SCFD1: variants seen among roughly 807,000 people sequenced by gnomAD.
SCFD1 encodes sec1 family domain-containing protein 1.
A neutral mutation model predicts 103.2 loss-of-function variants in SCFD1; 37 were observed. That is an observed-to-expected ratio of 0.36 (90% CI 0.28 to 0.47). The LOEUF (loss-of-function observed/expected upper bound fraction) is 0.47. SCFD1 is among the 20% of genes least tolerant of loss of function. SCFD1 has a pLI of 1.00. For missense variants in SCFD1, 639 were observed against 761.2 expected, an observed-to-expected ratio of 0.84 and a Z score of 1.89; for synonymous variants, 264 against 245.0, an observed-to-expected ratio of 1.08 and a Z score of -0.73.
intron 7 of SCFD1, among the ~76,000 whole-genome samples, chr14:30,646,623 A>G (rs1885854772): frequency 1.3e-5 from 2 of 152,118 alleles, no homozygotes; most frequent in Admixed American, 6.5e-5. Context: ...TGAGAATGAT[A>G]CTGGCCTCAT....
chr14:30,666,371 T>C (rs1286330415), intron 10 of SCFD1, among the ~76,000 whole-genome samples: 2 of 152,174 alleles, frequency 1.3e-5, no homozygotes, highest in Non-Finnish European at 1.5e-5. Context: ...AGACACAACA[T>C]ACCAGAATCT....
chr14:30,637,157 A>G (rs557541819), intron 4 of SCFD1, among the ~76,000 whole-genome samples: 4 of 152,158 alleles, frequency 2.6e-5, no homozygotes, highest in Admixed American at 2.6e-4. Flanking sequence ...ATGTATTTAT[A>G]CATACACTTT....
chr14:30,683,327 G>A (rs916174920), intron 14 of SCFD1: 4 of 645,260 alleles, frequency 6.2e-6, no homozygotes, highest in African/African-American at 5.5e-5. Context: ...TGGGTGCATT[G>A]TAAGGGTAGT....
intron 19 of SCFD1, among the ~76,000 whole-genome samples, chr14:30,714,439 A>G (rs1430282616): frequency 6.6e-6 from 1 of 152,046 alleles, no homozygotes; most frequent in Non-Finnish European, 1.5e-5. Context: ...GTATATTCAG[A>G]CAGCTTGAAC....
At chr14:30,721,410 A>G (rs1566661869) in intron 21 of SCFD1, among the ~76,000 whole-genome samples, 1 of 152,046 alleles carries the variant, frequency 6.6e-6, no homozygotes, top group Non-Finnish European at 1.5e-5. Context: ...CTACAGCAAA[A>G]TTCAGATCCC....
chr14:30,663,697 CCACT>C (rs1887652276), intron 10 of SCFD1, among the ~76,000 whole-genome samples: 2 of 152,156 alleles, frequency 1.3e-5, no homozygotes, highest in African/African-American at 4.8e-5. Context: ...GAATCTAATT[CCACT>C]CACTCTGTTC....
intron 16 of SCFD1, among the ~76,000 whole-genome samples, chr14:30,702,022 G>GA (rs1239114070): frequency 3.9e-5 from 6 of 152,086 alleles, no homozygotes; most frequent in Admixed American, 2.0e-4. Flanking sequence ...AGCAGTAAAG[G>GA]AAAAAATAGC....
chr14:30,709,934 T>C (rs930869719), intron 19 of SCFD1, among the ~76,000 whole-genome samples: 3 of 152,202 alleles, frequency 2.0e-5, no homozygotes, highest in Non-Finnish European at 4.4e-5. Flanking sequence ...TAAATCCCAA[T>C]AGTAAGATTT....
chr14:30,669,467 A>G (rs1408175186), intron 10 of SCFD1, among the ~76,000 whole-genome samples: 1 of 152,118 alleles, frequency 6.6e-6, no homozygotes, highest in African/African-American at 2.4e-5. Flanking sequence ...AGTTGGGGGA[A>G]AGAAAAAAGA....
At chr14:30,626,929 T>A (rs1269925608) in intron 1 of SCFD1, among the ~76,000 whole-genome samples, 1 of 152,224 alleles carries the variant, frequency 6.6e-6, no homozygotes, top group Non-Finnish European at 1.5e-5. Context: ...TGTGAGTGAA[T>A]GAATATGCTG....
intron 10 of SCFD1, among the ~76,000 whole-genome samples, chr14:30,662,728 C>T (rs937602196): frequency 6.6e-6 from 1 of 152,176 alleles, no homozygotes; most frequent in South Asian, 2.1e-4. Context: ...TGCAAGTCTG[C>T]ATAAATAGGT....
At chr14:30,717,590 A>G (rs1289201910) in intron 20 of SCFD1, among the ~76,000 whole-genome samples, 2 of 152,216 alleles carry the variant, frequency 1.3e-5, no homozygotes, top group Non-Finnish European at 2.9e-5. Flanking sequence ...AGTACTTATC[A>G]TGTTCCAGAA....
At chr14:30,652,932 C>G (rs1182382142) in intron 9 of SCFD1, among the ~76,000 whole-genome samples, 1 of 151,920 alleles carries the variant, frequency 6.6e-6, no homozygotes, top group Non-Finnish European at 1.5e-5. Flanking sequence ...TTACTTGAGC[C>G]TGGGAAGTCA....
At position 30,630,528 on chromosome 14, in the gene SCFD1, G is replaced by C. The variant is rs1398272516; in HGVS notation, c.184G>C (p.Val62Leu). The C allele has an allele frequency of 6.2e-7, 1 of 1,603,944 alleles. No homozygotes were observed. The part of the protein sequence containing the change: ...GQDIISPLLS[V>L]KELRDMGITL... The stretch of plus-strand genomic sequence containing the variant: ...AGATATAATCTCTCCTCTGCTATCT[G>C]TGAAGGAGCTAAGAGACATGGGAAT... Residue 62 changes from valine (V) to leucine (L), a missense_variant, in exon 3 of 25, where the codon GTG (valine) becomes CTG (leucine). Physicochemically the swap from Val to Leu is conservative, Grantham distance 32 (BLOSUM62 1). Coordinates refer to ENST00000458591, the MANE Select transcript of SCFD1 (RefSeq NM_016106.4).
intron 6 of SCFD1, among the ~76,000 whole-genome samples, chr14:30,642,126 C>T (rs531449172): frequency 5.9e-5 from 9 of 152,264 alleles, no homozygotes; most frequent in South Asian, 4.2e-4. Context: ...CTCTCTCTGT[C>T]GCCCAGGCTG....
At position 30,694,788 on chromosome 14, in the gene SCFD1, G is replaced by A; in HGVS notation, c.1258G>A (p.Val420Ile). ...TTTGAAACAGGCAAGAAAATTGGATGTATATTTTGAATATGAAGAAAAAAT... is the reference window on the plus strand; with the variant it reads ...TTTGAAACAGGCAAGAAAATTGGATATATATTTTGAATATGAAGAAAAAAT... Reference protein sequence around the residue: ...LEHIKARKLDVYFEYEEKIMS... With the variant: ...LEHIKARKLDIYFEYEEKIMS... The change falls in exon 15 of 25, where the codon GTA becomes ATA. Residue 420 changes from valine to isoleucine, a missense_variant. Physicochemically the swap from Val to Ile is conservative, Grantham distance 29. Coordinates refer to ENST00000458591, the MANE Select transcript of SCFD1 (RefSeq NM_016106.4). 1.3e-6 allele frequency: 2 copies of A among 1,579,776 alleles called. No homozygotes were observed. The highest frequency in any genetic ancestry group is 1.7e-6 in the Non-Finnish European group (2 of 1,169,720).
At chr14:30,649,416 A>G (rs951610745) in intron 7 of SCFD1, 112 bp from the exon 8 acceptor site, 2 of 695,496 alleles carry the variant, frequency 2.9e-6, no homozygotes, top group Non-Finnish European at 2.4e-6. Flanking sequence ...ATCGTGTGTA[A>G]CGTGAAATTG....
chr14:30,634,116 G>T, intron 4 of SCFD1, 79 bp downstream of exon 4: 2 of 768,742 alleles, frequency 2.6e-6, no homozygotes, highest in African/African-American at 1.8e-5. Context: ...AGATGTCCAG[G>T]GTGAAAAATC....
chr14:30,664,578 G>A (rs983954988), intron 10 of SCFD1, among the ~76,000 whole-genome samples: 1 of 151,942 alleles, frequency 6.6e-6, no homozygotes, highest in Non-Finnish European at 1.5e-5. Flanking sequence ...TCAGAAAGTC[G>A]ATAATAACAA....
Sources: gnomAD v4.1 joint callset for allele counts (sites outside exome capture counted in the v4.1 genomes callset) on GRCh38, gnomAD v4.1.1 for gene constraint, MANE v1.5 for transcripts, NCBI Gene and HGNC (gene_info 2026-07-23, HGNC 2026-07-21) for gene names.